Variants in CPNE3 observed in about 807,000 individuals in gnomAD.
The protein encoded by CPNE3 is copine 3, also known as copine-3.
In CPNE3, 68 loss-of-function variants were observed where a neutral mutation model predicts 63.9. The ratio of observed to expected loss-of-function variants is 1.06; its 90% CI spans 0.87 to 1.30. The LOEUF is 1.30. Among genes scored for constraint, CPNE3 ranks in the 50% most tolerant of loss-of-function variants. The probability of loss-of-function intolerance (pLI) is 0.00; values close to 1 mark genes in which losing one functional copy is unlikely to be tolerated. For missense variants in CPNE3, 665 were observed against 578.1 expected, an observed-to-expected ratio of 1.15 and a Z score of -1.54; for synonymous variants, 219 against 197.5, an observed-to-expected ratio of 1.11 and a Z score of -0.91.
intron 2 of CPNE3, among the ~76,000 whole-genome samples, chr8:86,523,640 C>T (rs1266370826): frequency 6.6e-6 from 1 of 152,160 alleles, no homozygotes; most frequent in South Asian, 2.1e-4. Flanking sequence ...GGCTGGAGTG[C>T]AGTGGTACCA....
chr8:86,551,617 GAT>G (rs1821180635), intron 14 of CPNE3: 1 of 158,120 alleles, frequency 6.3e-6, no homozygotes, highest in South Asian at 1.9e-4. Flanking sequence ...TGAGTAATTT[GAT>G]ATACAGATCT....
intron 4 of CPNE3, among the ~76,000 whole-genome samples, chr8:86,529,838 GTCAC>G (rs2131444244): frequency 6.6e-6 from 1 of 151,958 alleles, no homozygotes; most frequent in East Asian, 1.9e-4. Context: ...TGTGACATTT[GTCAC>G]TCACATATGT....
chr8:86,548,163 T>C (rs1296892037), intron 11 of CPNE3, 138 bp from the exon 12 acceptor site: 7 of 797,808 alleles, frequency 8.8e-6, no homozygotes, highest in African/African-American at 1.7e-5. Flanking sequence ...TAATTGTCTA[T>C]GGAAATAGTG....
intron 9 of CPNE3, chr8:86,545,200 A>G (rs969522180): frequency 1.3e-5 from 2 of 154,952 alleles, no homozygotes; most frequent in African/African-American, 2.4e-5. Flanking sequence ...ACCACACTTT[A>G]CTTACAGAGA....
chr8:86,558,383 C>T lies in CPNE3; in HGVS notation c.1587C>T (p.Asn529=). ...FNTYKLLPPK[N]PATKQQKQ ...CATACAAACTCCTTCCTCCCAAGAA[C>T]CCAGCCACGAAACAACAGAAGCAGT... Residue 529 remains asparagine (N), a synonymous_variant, in exon 17 of 17, where the codon AAC becomes AAT. Coordinates refer to ENST00000517490, the MANE Select transcript of CPNE3 (RefSeq NM_003909.5). The T allele has an allele frequency of 1.1e-6, 1 of 872,964 alleles. No homozygotes were observed. Among genetic ancestry groups the T allele is most frequent in the Non-Finnish European group, 2.0e-6 (1 of 501,664 alleles). The allele number at this position is 872,964 out of a possible 1,614,324, so 54.1% of individuals were successfully genotyped here. A position where few individuals can be genotyped will look rare whatever the true frequency, so the allele number is the denominator to read the frequency against.
intron 14 of CPNE3, among the ~76,000 whole-genome samples, chr8:86,552,500 C>T (rs1005864379): frequency 6.6e-6 from 1 of 152,152 alleles, no homozygotes. Flanking sequence ...ATATGGATGA[C>T]ATATCATATG....
intron 2 of CPNE3, among the ~76,000 whole-genome samples, chr8:86,520,775 C>T (rs1291521602): frequency 6.6e-6 from 1 of 150,902 alleles, no homozygotes; most frequent in Non-Finnish European, 1.5e-5. Flanking sequence ...TCTCCTGCCT[C>T]AGCCTTCCAG....
At chr8:86,555,194 T>C (rs550890530) in intron 15 of CPNE3, among the ~76,000 whole-genome samples, 2 of 152,006 alleles carry the variant, frequency 1.3e-5, no homozygotes, top group Middle Eastern at 3.4e-3. Flanking sequence ...CATTCATGAG[T>C]CTTTTATCCT....
chr8:86,531,162 C>T lies in CPNE3; in HGVS notation c.320C>T (p.Ser107Phe). The T allele has an allele frequency of 8.3e-7, 1 of 1,207,030 alleles. No individual in the cohort carries two copies. The highest frequency in any genetic ancestry group is 1.2e-6 in the Non-Finnish European group (1 of 807,870). 74.8% of individuals were successfully genotyped at this position (1,207,030 alleles called of 1,614,324 possible). A position where few individuals can be genotyped will look rare whatever the true frequency, so the allele number is the denominator to read the frequency against. The change falls in exon 5 of 17, where the codon TCC becomes TTC. Residue 107 changes from serine (S) to phenylalanine (F), a missense_variant. Ser to Phe is a radical substitution (Grantham distance 155). Transcript: ENST00000517490. ...ECECTLGQIV[S>F]SKKLTRPLVM... ...ACTTTCTAATTCTAACAGATTGTTTCCAGCAAGAAGCTAACTCGACCACTG... is the reference window on the plus strand; with the variant it reads ...ACTTTCTAATTCTAACAGATTGTTTTCAGCAAGAAGCTAACTCGACCACTG...
At chr8:86,532,712 A>ATG (rs367707767) in intron 6 of CPNE3, 132 bp downstream of exon 6, 67 of 719,162 alleles carry the variant, frequency 9.3e-5, no homozygotes, top group Middle Eastern at 2.7e-4. Context: ...CAAATTTTGC[A>ATG]TGTGTGTGTG....
intron 12 of CPNE3, 40 bp downstream of exon 12, chr8:86,548,474 C>T: frequency 6.2e-7 from 1 of 1,611,900 alleles, no homozygotes; most frequent in Admixed American, 1.7e-5. Flanking sequence ...CATGTTTTCA[C>T]AATTCCCCAG....
At chr8:86,555,259 T>C (rs1267758060) in intron 15 of CPNE3, among the ~76,000 whole-genome samples, 1 of 152,168 alleles carries the variant, frequency 6.6e-6, no homozygotes, top group Non-Finnish European at 1.5e-5. Context: ...GCCTATCATC[T>C]ACCTTTTTGA....
chr8:86,553,245 C>G (rs752433950), intron 14 of CPNE3, among the ~76,000 whole-genome samples: 10 of 151,946 alleles, frequency 6.6e-5, no homozygotes, highest in Non-Finnish European at 8.8e-5. Flanking sequence ...TCACCCCTGC[C>G]TATGAATTAG....
intron 2 of CPNE3, among the ~76,000 whole-genome samples, chr8:86,522,225 A>G (rs1218474182): frequency 6.6e-6 from 1 of 152,194 alleles, no homozygotes; most frequent in African/African-American, 2.4e-5. Context: ...TCTGTACCAC[A>G]CAATTTTATA....
intron 6 of CPNE3, among the ~76,000 whole-genome samples, chr8:86,537,199 G>A (rs986571248): frequency 6.6e-6 from 1 of 152,086 alleles, no homozygotes; most frequent in Admixed American, 6.6e-5. Flanking sequence ...TATGGCTAAT[G>A]TTTGTGATAT....
rs1821435295 is a variant in CPNE3 at position 86,561,270 on chromosome 8, G to C, written c.*2860G>C. Reference sequence around the variant, plus strand: ...AAATGACACATAAAGTACGCCAGAAGTTTGATGGAACGTGTTAGAAACTGT... The same window carrying C: ...AAATGACACATAAAGTACGCCAGAACTTTGATGGAACGTGTTAGAAACTGT... On this transcript the variant is annotated 3_prime_UTR_variant, in exon 17 of 17. Transcript: ENST00000517490. 1.3e-5 allele frequency: 2 copies of C among 152,298 alleles called. No individual in the cohort carries two copies. Among genetic ancestry groups the C allele is most frequent in the South Asian group, 4.1e-4 (2 of 4,826 alleles). The allele number at this position is 152,298 out of a possible 1,614,324, so 9.4% of individuals were successfully genotyped here.
chr8:86,530,480 T>C (rs916735980), intron 4 of CPNE3, among the ~76,000 whole-genome samples: 21 of 151,146 alleles, frequency 1.4e-4, no homozygotes, highest in African/African-American at 4.6e-4. Flanking sequence ...TTGAATCTTA[T>C]TTATTGAGTG....
intron 16 of CPNE3, among the ~76,000 whole-genome samples, chr8:86,557,970 TA>T (rs932663252): frequency 6.6e-6 from 1 of 151,138 alleles, no homozygotes; most frequent in African/African-American, 2.4e-5. Flanking sequence ...TAAAAAAAAG[TA>T]AAAAAAAATT....
chr8:86,555,404 C>T (rs1277398020), intron 15 of CPNE3, among the ~76,000 whole-genome samples: 1 of 152,194 alleles, frequency 6.6e-6, no homozygotes, highest in Non-Finnish European at 1.5e-5. Flanking sequence ...CTCTTAGCCT[C>T]AGCATATTCA....
Sources: allele counts gnomAD v4.1 joint callset (sites outside exome capture counted in the v4.1 genomes callset), GRCh38; gene constraint gnomAD v4.1.1; transcripts MANE v1.5; gene names NCBI Gene and HGNC (gene_info 2026-07-23, HGNC 2026-07-21).